The following TMEM236 variants were observed in gnomAD, a reference collection of about 807,000 sequenced individuals.
The protein encoded by TMEM236 is transmembrane protein 236.
In TMEM236, 11 loss-of-function variants were observed where a neutral mutation model predicts 14.7. The ratio of observed to expected loss-of-function variants is 0.75; its 90% CI spans 0.47 to 1.24. TMEM236 has a LOEUF of 1.24. Among genes scored for constraint, TMEM236 ranks in the 50% most tolerant of loss-of-function variants. The pLI is 0.00. For synonymous variants in TMEM236, 182 were observed against 168.6 expected, an observed-to-expected ratio of 1.08 and a Z score of -0.62; for missense variants, 464 against 427.3, an observed-to-expected ratio of 1.09 and a Z score of -0.76.
At chr10:17,764,580 T>C (rs537877555) in intron 1 of TMEM236, among the ~76,000 whole-genome samples, 94 of 152,312 alleles carry the variant, frequency 6.2e-4, no homozygotes, top group Non-Finnish European at 1.1e-3. Flanking sequence ...GAAATTTGTT[T>C]CAAATTCTGA....
At chr10:17,790,976 T>G (rs1244845278) in intron 3 of TMEM236, among the ~76,000 whole-genome samples, 2 of 152,238 alleles carry the variant, frequency 1.3e-5, no homozygotes, top group African/African-American at 4.8e-5. Flanking sequence ...AAACTTAGAA[T>G]AAAATCCAAA....
Position 17,796,716 on chromosome 10 carries a change from G to A in TMEM236, c.*212G>A. ...AGTAAAGTAATATTCTTATAAGTTG[G>A]CTCTCAGGTATTTCTAGAAAATGTT... On this transcript the variant is annotated 3_prime_UTR_variant, in exon 4 of 4. Transcript: ENST00000377495. 5.2e-6 allele frequency: 3 copies of A among 575,964 alleles called. No homozygotes were observed. Among genetic ancestry groups the A allele is most frequent in the South Asian group, 2.1e-5 (1 of 47,804 alleles). The allele number at this position is 575,964 out of a possible 1,614,324, so 35.7% of individuals were successfully genotyped here.
intron 3 of TMEM236, among the ~76,000 whole-genome samples, chr10:17,790,105 C>T (rs1390669627): frequency 6.6e-6 from 1 of 152,144 alleles, no homozygotes; most frequent in Non-Finnish European, 1.5e-5. Context: ...TAGCGCATGC[C>T]TGTAGTCCCA....
At chr10:17,762,616 T>TACAC (rs1483138456) in intron 1 of TMEM236, among the ~76,000 whole-genome samples, 91 of 54,180 alleles carry the variant, frequency 1.7e-3, no homozygotes, top group South Asian at 2.5e-3. Flanking sequence ...TATATATATA[T>TACAC]ATACACACAT....
intron 3 of TMEM236, among the ~76,000 whole-genome samples, chr10:17,788,753 TG>T (rs1257514337): frequency 6.6e-6 from 1 of 152,150 alleles, no homozygotes; most frequent in African/African-American, 2.4e-5. Flanking sequence ...GGAACTGAAA[TG>T]GGATCTTAGG....
In TMEM236 at chr10:17,757,162, G is replaced by A. The variant is rs1046477791; in HGVS notation, c.257+4610G>A. Among the ~76,000 whole-genome samples, 868 of 152,234 alleles carry A rather than the reference G, an allele frequency of 5.7e-3. 5 individuals carry two copies. The highest frequency in any genetic ancestry group is 0.02 in the African/African-American group (825 of 41,500). ...CTGGCATAGAAGAGAAGCAGCCACT[G>A]AGCACTGTTCTAGGAGCTTTACACC... On this transcript the variant is annotated intron_variant, in intron 1 of 3. Coordinates refer to ENST00000377495, the MANE Select transcript of TMEM236 (RefSeq NM_001098844.3).
At position 17,788,568 on chromosome 10, in the gene TMEM236, T is replaced by C. The variant is rs1490758913; in HGVS notation, c.473-7353T>C. On this transcript the variant is annotated intron_variant, in intron 3 of 3. Transcript: ENST00000377495. ...GAGTTCAAGACCAGCCTGAGTAACA[T>C]AGCAAGACCCCATCTCTACAAAAAA... Among the ~76,000 whole-genome samples, 3 of 122,690 alleles carry C rather than the reference T, an allele frequency of 2.4e-5. No individual in the cohort carries two copies. In the East Asian group the frequency reaches 6.8e-4, roughly 28 times the overall value. The allele number at this position is 122,690 out of a possible 152,430, so 80.5% of individuals were successfully genotyped here.
intron 3 of TMEM236, among the ~76,000 whole-genome samples, chr10:17,788,475 G>A (rs1480740858): frequency 1.3e-5 from 2 of 151,568 alleles, no homozygotes; most frequent in African/African-American, 2.4e-5. Context: ...AGTGGGCTGG[G>A]CATGGTGGCT....
rs1439056498 is a variant in TMEM236, at chr10:17,772,545, C to G, written c.330+1164C>G. Among the ~76,000 whole-genome samples the G allele has an allele frequency of 1.6e-4, 24 of 152,248 alleles. 1 individual carries two copies. In the East Asian group the frequency reaches 4.6e-3, roughly 29 times the overall value. ...TGGAGCTCGATAGCCCTTTTTGGCTCTTTTTTATGATGTCTCTTCCATTGT... is the reference window on the plus strand; with the variant it reads ...TGGAGCTCGATAGCCCTTTTTGGCTGTTTTTTATGATGTCTCTTCCATTGT... On this transcript the variant is annotated intron_variant, in intron 2 of 3. Transcript: ENST00000377495.
At chr10:17,793,866 T>G (rs1837967357) in intron 3 of TMEM236, among the ~76,000 whole-genome samples, 1 of 152,210 alleles carries the variant, frequency 6.6e-6, no homozygotes, top group East Asian at 1.9e-4. Flanking sequence ...TTTATGAATT[T>G]TAGAATAATA....
intron 2 of TMEM236, among the ~76,000 whole-genome samples, chr10:17,775,079 G>A (rs921227677): frequency 0.019 from 2,955 of 152,182 alleles, 88 homozygotes; most frequent in African/African-American, 0.068. Flanking sequence ...GGGATTACAG[G>A]TGTGAACCAC....
intron 3 of TMEM236, among the ~76,000 whole-genome samples, chr10:17,792,423 C>T (rs1837941344): frequency 6.6e-6 from 1 of 152,192 alleles, no homozygotes; most frequent in African/African-American, 2.4e-5. Context: ...TTTTCCTGTT[C>T]TCTTTGCAAG....
In TMEM236 at chr10:17,752,449, T is replaced by A. The variant is rs2131736797; in HGVS notation, c.154T>A (p.Ser52Thr). Residue 52 changes from serine (S) to threonine (T), a missense_variant, in exon 1 of 4, where the codon TCC (serine) becomes ACC (threonine). By Grantham distance (58) the Ser-to-Thr change is moderately conservative. Coordinates refer to ENST00000377495, the MANE Select transcript of TMEM236 (RefSeq NM_001098844.3). ...CAACACACACTACTGGCTGATCATCTCCTGTTCTATTGCCTATGTTGCGTT... is the reference window on the plus strand; with the variant it reads ...CAACACACACTACTGGCTGATCATCACCTGTTCTATTGCCTATGTTGCGTT... ...SDNTHYWLII[S>T]CSIAYVALVT... The A allele has an allele frequency of 1.2e-6, 2 of 1,613,982 alleles. No individual in the cohort carries two copies. Among genetic ancestry groups the A allele is most frequent in the Admixed American group, 3.3e-5 (2 of 60,018 alleles).
At chr10:17,778,274 A>T (rs2131754774) in intron 3 of TMEM236, among the ~76,000 whole-genome samples, 1 of 152,344 alleles carries the variant, frequency 6.6e-6, no homozygotes, top group East Asian at 1.9e-4. Flanking sequence ...ACTTAAAAAA[A>T]CTAGCAGTCA....
chr10:17,768,501 T>G (rs1333209347), intron 1 of TMEM236, among the ~76,000 whole-genome samples: 1 of 152,212 alleles, frequency 6.6e-6, no homozygotes. Flanking sequence ...TTAAAAATGT[T>G]GTCCTGAGAA....
intron 3 of TMEM236, among the ~76,000 whole-genome samples, chr10:17,788,202 T>C (rs919663020): frequency 2.7e-5 from 4 of 150,644 alleles, no homozygotes; most frequent in Non-Finnish European, 4.4e-5. Context: ...TCATTATAAG[T>C]AACATAAATA....
intron 3 of TMEM236, among the ~76,000 whole-genome samples, chr10:17,791,695 T>C (rs1428432749): frequency 6.6e-6 from 1 of 152,208 alleles, no homozygotes; most frequent in Non-Finnish European, 1.5e-5. Flanking sequence ...AGTTCTTTTC[T>C]CCATTCTTCA....
intron 1 of TMEM236, among the ~76,000 whole-genome samples, chr10:17,766,671 C>T (rs1041426760): frequency 9.2e-5 from 14 of 152,140 alleles, no homozygotes; most frequent in East Asian, 1.9e-4. Context: ...ACATTGCAGT[C>T]GCAAAATTGG....
rs1410523169 is a variant in TMEM236, at chr10:17,799,063, C to T, written c.*2559C>T. On this transcript the variant is annotated 3_prime_UTR_variant, in exon 4 of 4. Coordinates refer to ENST00000377495, the MANE Select transcript of TMEM236 (RefSeq NM_001098844.3). Reference sequence around the variant, plus strand: ...ATTGTATTCAAAAGTGATCGATCTGCTGAATATATAAATTAAAATGGACAC... The same window carrying T: ...ATTGTATTCAAAAGTGATCGATCTGTTGAATATATAAATTAAAATGGACAC... 2 of 190,624 alleles carry T rather than the reference C, an allele frequency of 1.0e-5. No homozygotes were observed. Among genetic ancestry groups the T allele is most frequent in the African/African-American group, 4.8e-5 (2 of 41,868 alleles). 11.8% of individuals were successfully genotyped at this position (190,624 alleles called of 1,614,324 possible). A position where few individuals can be genotyped will look rare whatever the true frequency, so the allele number is the denominator to read the frequency against.
Sources: gnomAD v4.1 joint callset for allele counts (sites outside exome capture counted in the v4.1 genomes callset) on GRCh38, gnomAD v4.1.1 for gene constraint, MANE v1.5 for transcripts, NCBI Gene and HGNC (gene_info 2026-07-23, HGNC 2026-07-21) for gene names.